The following COL4A3 variants were observed in gnomAD, a reference collection of about 807,000 sequenced individuals.
COL4A3 encodes collagen alpha-3(IV) chain.
COL4A3 carries 135 observed loss-of-function variants against 217.4 expected under a neutral mutation model. The ratio of observed to expected loss-of-function variants is 0.62; its 90% CI spans 0.54 to 0.72. The LOEUF (loss-of-function observed/expected upper bound fraction) is 0.72, where lower values mean the gene tolerates loss of function less well. Among genes scored for constraint, COL4A3 ranks in the 30% least tolerant of loss-of-function variants. The pLI is 0.00. For missense variants in COL4A3, 1,868 were observed against 2,119.9 expected, an observed-to-expected ratio of 0.88 and a Z score of 2.33; for synonymous variants, 690 against 736.3, an observed-to-expected ratio of 0.94 and a Z score of 1.02.
chr2:227,237,560 C>G (rs2068769650), intron 1 of COL4A3, among the ~76,000 whole-genome samples: 1 of 152,034 alleles, frequency 6.6e-6, no homozygotes, highest in Non-Finnish European at 1.5e-5. Context: ...CAGTATTTGA[C>G]CACTTTTTAA....
At chr2:227,178,982 C>A (rs2065783592) in intron 1 of COL4A3, among the ~76,000 whole-genome samples, 1 of 152,110 alleles carries the variant, frequency 6.6e-6, no homozygotes. Flanking sequence ...GACAGGGCCT[C>A]ACTCTGAGGC....
intron 15 of COL4A3, among the ~76,000 whole-genome samples, chr2:227,254,984 C>T (rs923083948): frequency 1.3e-5 from 2 of 152,188 alleles, no homozygotes; most frequent in African/African-American, 4.8e-5. Flanking sequence ...TCATTCTCTC[C>T]TCTGGCAGAT....
intron 1 of COL4A3, among the ~76,000 whole-genome samples, chr2:227,199,716 T>A (rs1010014176): frequency 1.3e-5 from 2 of 152,208 alleles, no homozygotes; most frequent in South Asian, 4.1e-4. Flanking sequence ...CATTCATATC[T>A]GTGGCCCCAG....
chr2:227,166,763 G>T (rs1423232640), intron 1 of COL4A3, among the ~76,000 whole-genome samples: 1 of 152,186 alleles, frequency 6.6e-6, no homozygotes, highest in Non-Finnish European at 1.5e-5. Flanking sequence ...ATAATGAAAT[G>T]TGCCTTCATC....
chr2:227,304,131 A>G lies in COL4A3; in HGVS notation c.4140A>G (p.Pro1380=), dbSNP rs777800426. 5 of 1,614,070 alleles carry G rather than the reference A, an allele frequency of 3.1e-6. No individual in the cohort carries two copies. The highest frequency in any genetic ancestry group is 3.4e-6 in the Non-Finnish European group (4 of 1,179,970). ...GMQGEPGPPG[P]PGNLGPCGPR... is the part of the protein sequence containing the mutation. The stretch of plus-strand genomic sequence containing the variant: ...AGGGAGAACCTGGGCCACCAGGGCC[A>G]CCTGGAAACCTAGGTGTGGGACTGG... Residue 1380 remains proline, a synonymous_variant, in exon 46 of 52, where the codon CCA becomes CCG. Transcript: ENST00000396578.
At chr2:227,273,402 T>A (rs2071362008) in intron 26 of COL4A3, among the ~76,000 whole-genome samples, 1 of 152,060 alleles carries the variant, frequency 6.6e-6, no homozygotes, top group Admixed American at 6.5e-5. Context: ...TTATTGCAAA[T>A]TTGTTTTTTG....
chr2:227,287,199 C>T (rs910972665), intron 34 of COL4A3, among the ~76,000 whole-genome samples: 33 of 151,296 alleles, frequency 2.2e-4, no homozygotes, highest in African/African-American at 7.5e-4. Context: ...TTTGGGAGGC[C>T]GAGGCGGGTG....
In COL4A3 at chr2:227,267,078, A is replaced by C. The variant is rs200207635; in HGVS notation, c.1494A>C (p.Lys498Asn). The change falls in exon 23 of 52, where the codon AAA (lysine) becomes AAC (asparagine). Residue 498 changes from lysine to asparagine, a missense_variant. Lys to Asn is a moderately conservative substitution (Grantham distance 94). Coordinates refer to ENST00000396578, the MANE Select transcript of COL4A3 (RefSeq NM_000091.5). ...GATTGCCAGGGTTACATGGTGTAAA[A>C]GGAATCCCAGGTACAAACAATTTGC... Reference protein sequence around the residue: ...LPGLPGLHGVKGIPGRQGAAG... With the variant: ...LPGLPGLHGVNGIPGRQGAAG... 2 of 1,612,948 alleles carry C rather than the reference A, an allele frequency of 1.2e-6. No individual in the cohort carries two copies. The highest frequency in any genetic ancestry group is 1.7e-6 in the Non-Finnish European group (2 of 1,178,940).
Position 227,269,908 on chromosome 2 carries a change from A to C in COL4A3, c.1505-2A>C, listed in dbSNP as rs1247804051. The C allele has an allele frequency of 1.2e-6, 2 of 1,613,560 alleles. No individual in the cohort carries two copies. The highest frequency in any genetic ancestry group is 1.7e-6 in the Non-Finnish European group (2 of 1,179,670). On this transcript the variant is annotated splice_acceptor_variant, in intron 23 of 51. Coordinates refer to ENST00000396578, the MANE Select transcript of COL4A3 (RefSeq NM_000091.5). LOFTEE classifies it high-confidence loss of function. ...GTTAGTTAATAATTCGTTGATTTGC[A>C]GGAAGACAAGGCGCAGCTGGCTTGA...
rs780455423 is a variant in COL4A3, at chr2:227,307,881, T to C, written c.4424T>C (p.Phe1475Ser). Residue 1475 changes from phenylalanine to serine, a missense_variant, in exon 48 of 52, where the codon TTT (phenylalanine) becomes TCT (serine). Phe to Ser is a radical substitution (Grantham distance 155). Transcript: ENST00000396578. ...CTCTACAGTGGGTTTTCTTTTCTTT[T>C]TGTACAAGGAAATCAACGAGCCCAC... Reference protein sequence around the residue: ...VPLYSGFSFLFVQGNQRAHGQ... With the variant: ...VPLYSGFSFLSVQGNQRAHGQ... 5 of 1,614,030 alleles carry C rather than the reference T, an allele frequency of 3.1e-6. No individual in the cohort carries two copies. The African/African-American group carries it at 5.3e-5, about 17-fold the overall frequency.
In COL4A3 at chr2:227,259,793, A is replaced by T. The variant is rs565527848; in HGVS notation, c.1030A>T (p.Thr344Ser). Reference protein sequence around the residue: ...DIGPPGFRGPTEYYDTYQEKG... With the variant: ...DIGPPGFRGPSEYYDTYQEKG... ...TGTATTTGTTTCTTTCTCCTCTAAG[A>T]CAGAATATTATGACACATACCAGGA... The change falls in exon 19 of 52, where the codon ACA becomes TCA. Residue 344 changes from threonine to serine, a missense_variant and splice_region_variant. By Grantham distance (58) the Thr-to-Ser change is moderately conservative. Around this residue, in one of 2 missense-constraint regions of COL4A3, gnomAD observed 1,503 missense variants for 1,786.1 expected, o/e 0.84. Coordinates refer to ENST00000396578, the MANE Select transcript of COL4A3 (RefSeq NM_000091.5). 8 of 1,607,728 alleles carry T rather than the reference A, an allele frequency of 5.0e-6. 1 individual carries two copies. The South Asian group carries it at 8.8e-5, about 18-fold the overall frequency.
intron 28 of COL4A3, among the ~76,000 whole-genome samples, chr2:227,278,122 T>C (rs1308012756): frequency 2.0e-5 from 1 of 50,698 alleles, no homozygotes; most frequent in Non-Finnish European, 6.5e-5. Context: ...CATGTATACA[T>C]TTCTTTTTTT....
At chr2:227,175,135 G>A (rs1474485839) in intron 1 of COL4A3, among the ~76,000 whole-genome samples, 1 of 152,136 alleles carries the variant, frequency 6.6e-6, no homozygotes, top group East Asian at 1.9e-4. Flanking sequence ...CAGAAGTGGA[G>A]AGAGGCCACA....
At chr2:227,274,268 A>AATAAATAT (rs1165418861) in intron 26 of COL4A3, among the ~76,000 whole-genome samples, 1 of 151,594 alleles carries the variant, frequency 6.6e-6, no homozygotes, top group African/African-American at 2.4e-5. Flanking sequence ...TAAATAAATA[A>AATAAATAT]ATAAATTTTA....
chr2:227,212,163 T>G (rs563142650), intron 1 of COL4A3, among the ~76,000 whole-genome samples: 4 of 148,964 alleles, frequency 2.7e-5, no homozygotes, highest in Non-Finnish European at 4.5e-5. Context: ...TTTTTTTTGT[T>G]TTTTTTTGTC....
At chr2:227,248,338 T>G (rs745701812) in intron 8 of COL4A3, 105 bp from the exon 9 acceptor site, 3 of 789,252 alleles carry the variant, frequency 3.8e-6, no homozygotes, top group East Asian at 5.0e-5. Flanking sequence ...GTACATAACT[T>G]GAAAAGCATT....
intron 2 of COL4A3, chr2:227,238,257 G>A (rs142521410): frequency 2.2e-5 from 8 of 368,610 alleles, no homozygotes; most frequent in East Asian, 1.6e-4. Flanking sequence ...CAACTCTCTC[G>A]GTCTGTAAAG....
At chr2:227,183,819 G>A (rs1000979443) in intron 1 of COL4A3, among the ~76,000 whole-genome samples, 7 of 152,172 alleles carry the variant, frequency 4.6e-5, no homozygotes, top group South Asian at 4.1e-4. Context: ...CCTAAGCCAA[G>A]CCAGTCAAGT....
Position 227,310,763 on chromosome 2 carries a change from A to T in COL4A3, c.4756-13A>T, listed in dbSNP as rs190701197. ...GGACAGAGTGTTTATTCAGATTTTT[A>T]AAATTGTGGTAGTTCACAAGTGCAG... On this transcript the variant is annotated splice_polypyrimidine_tract_variant and intron_variant, in intron 50 of 51. Transcript: ENST00000396578. 410 of 1,612,732 alleles carry T rather than the reference A, an allele frequency of 2.5e-4. 3 individuals are homozygous for T. The African/African-American group carries it at 4.4e-3, about 17-fold the overall frequency.
Sources: allele counts gnomAD v4.1 joint callset (sites outside exome capture counted in the v4.1 genomes callset), GRCh38; gene constraint gnomAD v4.1.1; regional missense constraint gnomAD v4.1.1; transcripts MANE v1.5; gene names NCBI Gene and HGNC (gene_info 2026-07-23, HGNC 2026-07-21).